Variants in TEX9 observed in about 807,000 individuals in gnomAD.
TEX9 encodes testis-expressed protein 9.
Under a neutral mutation model 59.6 loss-of-function variants are expected in TEX9, and 74 were observed. The observed-to-expected ratio is 1.24, with a 90% CI of 1.03 to 1.51. The LOEUF is 1.51. TEX9 is among the 40% of genes most tolerant of loss of function. The pLI, the probability that TEX9 is intolerant of heterozygous loss-of-function variation, is 0.00. For missense variants in TEX9, 522 were observed against 447.8 expected (o/e 1.17, Z -1.49); for synonymous variants, 186 against 152.2 (o/e 1.22, Z -1.64).
chr15:56,319,379 A>G (rs570065006), intron 1 of TEX9, among the ~76,000 whole-genome samples: 2 of 151,358 alleles, frequency 1.3e-5, no homozygotes, highest in Admixed American at 6.6e-5. Context: ...ACAAAACAAG[A>G]CATATACATA....
At chr15:56,328,368 G>A (rs777508239) in intron 1 of TEX9, among the ~76,000 whole-genome samples, 3 of 152,076 alleles carry the variant, frequency 2.0e-5, no homozygotes, top group Non-Finnish European at 4.4e-5. Flanking sequence ...CCTTGGGTGA[G>A]ACCCAGCACA....
At chr15:56,300,403 A>G (rs1426533519) in intron 1 of TEX9, among the ~76,000 whole-genome samples, 3 of 152,172 alleles carry the variant, frequency 2.0e-5, no homozygotes, top group African/African-American at 7.2e-5. Context: ...TGGCTCTTAT[A>G]TGGCATTTCT....
At chr15:56,265,173 T>A (rs1295372443) in intron 1 of TEX9, among the ~76,000 whole-genome samples, 2 of 151,210 alleles carry the variant, frequency 1.3e-5, no homozygotes, top group East Asian at 3.9e-4. Flanking sequence ...CTTTTTTTTT[T>A]TTTTTTAACA....
At chr15:56,364,038 T>C (rs1343234267), upstream of TEX9, among the ~76,000 whole-genome samples, 1 of 152,132 alleles carries the variant, frequency 6.6e-6, no homozygotes, top group African/African-American at 2.4e-5. Flanking sequence ...TTATCAGATA[T>C]ATAATTTGCA....
intron 12 of TEX9, among the ~76,000 whole-genome samples, chr15:56,442,696 C>T (rs562513602): frequency 1.2e-4 from 18 of 152,184 alleles, no homozygotes; most frequent in South Asian, 4.1e-4. Flanking sequence ...ATTGAGTACA[C>T]GTGGACACAA....
In TEX9 at chr15:56,391,234, A is replaced by T. The variant is rs1276619296; in HGVS notation, c.396-9A>T. 1.3e-5 allele frequency: 20 copies of T among 1,532,522 alleles called. No homozygotes were observed. The African/African-American group carries it at 2.8e-4, about 21-fold the overall frequency. The allele number at this position is 1,532,522 out of a possible 1,614,324, so 94.9% of individuals were successfully genotyped here. ...ATACATACATATGTATTTAATTTTT[A>T]TTTTTTAGTGTTAAATTGAAATACT... is the stretch of plus-strand genomic sequence containing the variant. On this transcript the variant is annotated splice_polypyrimidine_tract_variant and intron_variant, in intron 6 of 12. Coordinates refer to ENST00000352903, the Ensembl canonical transcript of TEX9.
intron 1 of TEX9, among the ~76,000 whole-genome samples, chr15:56,300,035 G>A (rs927394751): frequency 6.6e-6 from 1 of 152,088 alleles, no homozygotes; most frequent in Non-Finnish European, 1.5e-5. Flanking sequence ...TATTGACTTG[G>A]CAACAGCGAG....
Position 56,300,045 on chromosome 15 carries a change from G to C in TEX9, c.-107+55767G>C, listed in dbSNP as rs74018628. Among the ~76,000 whole-genome samples the C allele has an allele frequency of 4.6e-3, 700 of 152,180 alleles. 12 individuals are homozygous for C. The highest frequency in any genetic ancestry group is 0.016 in the African/African-American group (683 of 41,518). ...TTAAATATTGACTTGGCAACAGCGA[G>C]GTACAGCACCAAGCGGGTTCCCGGG... On this transcript the variant is annotated intron_variant, in intron 1 of 5. Coordinates refer to the TEX9 transcript ENST00000560827.
chr15:56,276,656 A>G (rs975680685), intron 1 of TEX9, among the ~76,000 whole-genome samples: 1 of 152,148 alleles, frequency 6.6e-6, no homozygotes, highest in Non-Finnish European at 1.5e-5. Flanking sequence ...ATGTGTCTTT[A>G]TAGTAGAATG....
chr15:56,401,070 C>T (rs1166916847), intron 9 of TEX9, among the ~76,000 whole-genome samples: 4 of 152,038 alleles, frequency 2.6e-5, no homozygotes, highest in Admixed American at 6.6e-5. Context: ...GAAACTGCAT[C>T]AATTAATGGG....
At chr15:56,423,167 A>G (rs908390459) in intron 10 of TEX9, among the ~76,000 whole-genome samples, 58 of 152,320 alleles carry the variant, frequency 3.8e-4, no homozygotes, top group Non-Finnish European at 7.4e-4. Flanking sequence ...CTTGATGTGT[A>G]AAGTCAGGTT....
chr15:56,284,902 A>G (rs1218718117), intron 1 of TEX9, among the ~76,000 whole-genome samples: 2 of 152,158 alleles, frequency 1.3e-5, no homozygotes, highest in African/African-American at 4.8e-5. Context: ...GCAAGAGAGT[A>G]TTCTCTATAT....
intron 5 of TEX9, among the ~76,000 whole-genome samples, chr15:56,388,840 A>G (rs1203362042): frequency 6.6e-6 from 1 of 152,026 alleles, no homozygotes; most frequent in Non-Finnish European, 1.5e-5. Flanking sequence ...ATACTCATAT[A>G]CAAAGAAGGT....
chr15:56,308,904 T>A (rs1192047963), intron 1 of TEX9, among the ~76,000 whole-genome samples: 1 of 152,186 alleles, frequency 6.6e-6, no homozygotes, highest in Non-Finnish European at 1.5e-5. Flanking sequence ...TTACCATTGA[T>A]CTGTATATTT....
chr15:56,398,115 C>T (rs1431603504), intron 9 of TEX9: 2 of 152,098 alleles, frequency 1.3e-5, no homozygotes, highest in African/African-American at 4.8e-5. Flanking sequence ...ATAGTCTGAA[C>T]TTGTGTTTCC....
At chr15:56,437,985 A>G (rs2050756911) in intron 12 of TEX9, among the ~76,000 whole-genome samples, 2 of 152,236 alleles carry the variant, frequency 1.3e-5, no homozygotes, top group African/African-American at 4.8e-5. Flanking sequence ...CAAATGGAAG[A>G]ACATTCCATG....
intron 12 of TEX9, among the ~76,000 whole-genome samples, chr15:56,441,976 C>A (rs573577279): frequency 1.3e-5 from 2 of 152,024 alleles, no homozygotes; most frequent in Admixed American, 6.6e-5. Context: ...GCCGAGATCA[C>A]GCCACTGCAC....
chr15:56,439,178 C>T (rs890486986), intron 12 of TEX9, among the ~76,000 whole-genome samples: 16 of 152,072 alleles, frequency 1.1e-4, no homozygotes, highest in Non-Finnish European at 1.6e-4. Flanking sequence ...ATTCCATTTA[C>T]GATTGCTCAA....
chr15:56,430,520 T>G (rs552119461), intron 12 of TEX9, among the ~76,000 whole-genome samples: 1 of 152,330 alleles, frequency 6.6e-6, no homozygotes, highest in South Asian at 2.1e-4. Flanking sequence ...ACTATTTTAT[T>G]TGAAGTCACA....
Sources: gnomAD v4.1 joint callset for allele counts (sites outside exome capture counted in the v4.1 genomes callset) on GRCh38, gnomAD v4.1.1 for gene constraint, MANE v1.5 for transcripts, NCBI Gene and HGNC (gene_info 2026-07-23, HGNC 2026-07-21) for gene names.